MYO3A: variants seen among roughly 807,000 people sequenced by gnomAD.
MYO3A encodes the protein myosin-IIIa.
Under a neutral mutation model 192.7 loss-of-function variants are expected in MYO3A, and 180 were observed. That is an observed-to-expected ratio of 0.93 (90% CI 0.83 to 1.06). The LOEUF is 1.06. Among genes scored for constraint, MYO3A ranks in the 50% least tolerant of loss-of-function variants. MYO3A has a pLI of 0.00. For synonymous variants in MYO3A, 628 were observed against 645.3 expected, an observed-to-expected ratio of 0.97 and a Z score of 0.41; for missense variants, 1,896 against 1,905.0, an observed-to-expected ratio of 1.00 and a Z score of 0.09.
At chr10:25,988,993 C>T (rs527441967) in intron 4 of MYO3A, among the ~76,000 whole-genome samples, 1 of 138,582 alleles carries the variant, frequency 7.2e-6, no homozygotes, top group Non-Finnish European at 1.5e-5. Context: ...CTCGCTCTGT[C>T]GCCTAGGCTG....
intron 10 of MYO3A, among the ~76,000 whole-genome samples, chr10:26,035,994 C>T (rs575209745): frequency 5.8e-4 from 88 of 151,886 alleles, no homozygotes; most frequent in African/African-American, 1.8e-3. Flanking sequence ...AGTGCAGTGG[C>T]GCCATCTTGG....
At chr10:26,027,373 C>T (rs1172705670) in intron 10 of MYO3A, among the ~76,000 whole-genome samples, 1 of 151,734 alleles carries the variant, frequency 6.6e-6, no homozygotes, top group Non-Finnish European at 1.5e-5. Flanking sequence ...GAGACAGGGT[C>T]TCACTTTGTC....
chr10:26,127,129 ACGTCTT>A (rs1401473870), intron 19 of MYO3A, among the ~76,000 whole-genome samples: 1 of 152,140 alleles, frequency 6.6e-6, no homozygotes, highest in Non-Finnish European at 1.5e-5. Context: ...CCTTTTAAGA[ACGTCTT>A]GAAAACTGCC....
At chr10:26,121,002 T>A (rs1838830311) in intron 18 of MYO3A, among the ~76,000 whole-genome samples, 200 bp downstream of exon 18, 1 of 152,158 alleles carries the variant, frequency 6.6e-6, no homozygotes, top group African/African-American at 2.4e-5. Context: ...CTGATTACTG[T>A]AGAACACATT....
intron 2 of MYO3A, 46 bp from the exon 3 acceptor site, chr10:25,952,048 G>C: frequency 3.5e-6 from 5 of 1,441,828 alleles, no homozygotes; most frequent in Non-Finnish European, 4.9e-6. Flanking sequence ...TGTGCCATTT[G>C]ATATCCTCAA....
intron 15 of MYO3A, among the ~76,000 whole-genome samples, chr10:26,094,718 G>A (rs12261502): frequency 0.38 from 57,412 of 152,030 alleles, 11,305 homozygotes; most frequent in Middle Eastern, 0.51. Context: ...GCCACCGCAC[G>A]CGGCAAGAAT....
intron 18 of MYO3A, 90 bp from the exon 19 acceptor site, chr10:26,125,308 T>G: frequency 3.5e-6 from 4 of 1,138,370 alleles, no homozygotes; most frequent in Non-Finnish European, 5.2e-6. Flanking sequence ...ATTCATGTCA[T>G]TTGAAGAAGG....
chr10:26,171,561 T>G (rs967815726), intron 29 of MYO3A, among the ~76,000 whole-genome samples: 1 of 152,232 alleles, frequency 6.6e-6, no homozygotes, highest in African/African-American at 2.4e-5. Flanking sequence ...GGAATGTTTA[T>G]TTGAAGTTTA....
chr10:26,160,599 C>T (rs1367773987), intron 26 of MYO3A, among the ~76,000 whole-genome samples: 4 of 151,954 alleles, frequency 2.6e-5, no homozygotes, highest in Non-Finnish European at 5.9e-5. Context: ...AGGCTATGTT[C>T]ATACCACTGC....
rs570550892 is a variant in MYO3A, at chr10:26,113,392, C to A, written c.1777-7284C>A. On this transcript the variant is annotated intron_variant, in intron 17 of 34. Transcript: ENST00000642920. ...GGCTGAGGCAGGAAAATTGCTTGAACGCGGGAGGTGGAGGTTGCAGTGAGC... is the reference window on the plus strand; with the variant it reads ...GGCTGAGGCAGGAAAATTGCTTGAAAGCGGGAGGTGGAGGTTGCAGTGAGC... Among the ~76,000 whole-genome samples, 1,391 of 151,568 alleles carry A rather than the reference C, an allele frequency of 9.2e-3. 19 individuals are homozygous for A. Among genetic ancestry groups the A allele is most frequent in the Non-Finnish European group, 0.013 (910 of 67,898 alleles).
At chr10:25,937,002 C>CAT (rs1836122649) in intron 2 of MYO3A, among the ~76,000 whole-genome samples, 1 of 130,802 alleles carries the variant, frequency 7.6e-6, no homozygotes, top group Non-Finnish European at 1.7e-5. Context: ...TGCAGAACCT[C>CAT]ATATAGAAGT....
At chr10:25,941,832 T>A (rs1209853121) in intron 2 of MYO3A, among the ~76,000 whole-genome samples, 4 of 152,166 alleles carry the variant, frequency 2.6e-5, no homozygotes, top group Non-Finnish European at 4.4e-5. Context: ...ATTTTAAACA[T>A]CTCATATGAG....
chr10:26,159,009 ATTTTT>A (rs200816614), intron 26 of MYO3A, among the ~76,000 whole-genome samples: 1 of 143,888 alleles, frequency 6.9e-6, no homozygotes. Flanking sequence ...ATTTCTGCTA[ATTTTT>A]TTTTTTTTTT....
At chr10:26,105,065 G>A (rs1431819566) in intron 17 of MYO3A, among the ~76,000 whole-genome samples, 2 of 152,064 alleles carry the variant, frequency 1.3e-5, no homozygotes, top group East Asian at 1.9e-4. Flanking sequence ...TTTAAAGGTA[G>A]TATAATGTTC....
chr10:26,102,341 T>C (rs1374042246), intron 17 of MYO3A, among the ~76,000 whole-genome samples: 1 of 152,156 alleles, frequency 6.6e-6, no homozygotes, highest in Non-Finnish European at 1.5e-5. Flanking sequence ...AGTTCAAACA[T>C]CCTCCTTTAG....
At chr10:25,937,714 C>T (rs1052570198) in intron 2 of MYO3A, among the ~76,000 whole-genome samples, 6 of 152,122 alleles carry the variant, frequency 3.9e-5, no homozygotes, top group South Asian at 2.1e-4. Context: ...CTTTTATCCT[C>T]ATAAAGGGAG....
chr10:26,194,694 G>A (rs1328978919), intron 32 of MYO3A, among the ~76,000 whole-genome samples: 1 of 152,104 alleles, frequency 6.6e-6, no homozygotes, highest in African/African-American at 2.4e-5. Context: ...TCCAAAGAGG[G>A]TTGTCTGTGG....
At chr10:26,081,427 C>T (rs1307939747) in intron 14 of MYO3A, among the ~76,000 whole-genome samples, 1 of 152,106 alleles carries the variant, frequency 6.6e-6, no homozygotes, top group African/African-American at 2.4e-5. Flanking sequence ...CCCGCAACAA[C>T]TCCGAGTCCA....
chr10:25,943,971 C>G (rs969846531), intron 2 of MYO3A, among the ~76,000 whole-genome samples: 4 of 151,862 alleles, frequency 2.6e-5, no homozygotes, highest in African/African-American at 9.7e-5. Context: ...ACATTTTTGT[C>G]TTGTTCCTGA....
Sources: allele counts gnomAD v4.1 joint callset (sites outside exome capture counted in the v4.1 genomes callset), GRCh38; gene constraint gnomAD v4.1.1; transcripts MANE v1.5; gene names NCBI Gene and HGNC (gene_info 2026-07-23, HGNC 2026-07-21).